PCCA: variants seen among roughly 807,000 people sequenced by gnomAD.
The protein encoded by PCCA is propionyl-CoA carboxylase alpha chain, mitochondrial.
In PCCA, 74 loss-of-function variants were observed where a neutral mutation model predicts 101.3. That is an observed-to-expected ratio of 0.73 (90% CI 0.61 to 0.89). The LOEUF (loss-of-function observed/expected upper bound fraction) is 0.89. Ranked by LOEUF, PCCA falls within the 40% of genes least tolerant of loss-of-function variation. PCCA has a pLI of 0.00. For synonymous variants in PCCA, 294 were observed against 313.6 expected (o/e 0.94, Z 0.66); for missense variants, 891 against 907.0 (o/e 0.98, Z 0.23).
chr13:100,273,754 G>C (rs999768231), intron 12 of PCCA, among the ~76,000 whole-genome samples: 10 of 152,136 alleles, frequency 6.6e-5, no homozygotes, highest in African/African-American at 2.4e-4. Flanking sequence ...TCCCACTGCT[G>C]TACCACTCAG....
chr13:100,110,240 C>T (rs1594132713), intron 2 of PCCA, among the ~76,000 whole-genome samples: 1 of 152,170 alleles, frequency 6.6e-6, no homozygotes, highest in East Asian at 1.9e-4. Context: ...CACTTTTTTT[C>T]TGTAGTTCCG....
intron 7 of PCCA, among the ~76,000 whole-genome samples, chr13:100,225,085 A>G (rs2060073711): frequency 6.6e-6 from 1 of 152,248 alleles, no homozygotes; most frequent in South Asian, 2.1e-4. Context: ...TGTGGAAAGT[A>G]AATTGGAGCA....
chr13:100,469,888 G>A (rs2082861812), intron 21 of PCCA, among the ~76,000 whole-genome samples: 1 of 152,180 alleles, frequency 6.6e-6, no homozygotes, highest in African/African-American at 2.4e-5. Flanking sequence ...TTTTAGTGGT[G>A]TCTTTGTAAA....
intron 20 of PCCA, among the ~76,000 whole-genome samples, chr13:100,430,205 G>A (rs995212569): frequency 6.6e-6 from 1 of 152,120 alleles, no homozygotes; most frequent in Non-Finnish European, 1.5e-5. Flanking sequence ...AACCCGGGTT[G>A]TGGTGAGCTG....
chr13:100,244,472 T>A (rs1012511133), intron 8 of PCCA, among the ~76,000 whole-genome samples: 4 of 152,250 alleles, frequency 2.6e-5, no homozygotes, highest in African/African-American at 9.6e-5. Flanking sequence ...TTTCTCTCAG[T>A]CCTTCATCTT....
chr13:100,529,960 TGGG>T, intron 23 of PCCA, 135 bp from the exon 24 acceptor site: 1 of 212,702 alleles, frequency 4.7e-6, no homozygotes, highest in East Asian at 5.5e-4. Flanking sequence ...TGGGCTCCGG[TGGG>T]GTGGGGTGGC....
intron 1 of PCCA, among the ~76,000 whole-genome samples, chr13:100,101,550 A>T (rs973080385): frequency 2.0e-5 from 3 of 152,050 alleles, no homozygotes; most frequent in African/African-American, 7.2e-5. Flanking sequence ...ATCTTTTTGT[A>T]TCTTTTACCT....
At position 100,394,570 on chromosome 13, in the gene PCCA, G is replaced by C. The variant is rs575703581; in HGVS notation, c.1746+25996G>C. ...AAGATAGAAACCAGTAACTGAATCTGGTAACAGGGTAGTTGTTTGTTTCAG... is the reference window on the plus strand; with the variant it reads ...AAGATAGAAACCAGTAACTGAATCTCGTAACAGGGTAGTTGTTTGTTTCAG... On this transcript the variant is annotated intron_variant, in intron 19 of 23. Transcript: ENST00000376285. This position sits in a 1 kb window ranked among gnomAD's most constrained non-coding sequence, Gnocchi z 4.3. 6.6e-6 allele frequency among the ~76,000 whole-genome samples: 1 copy of C among 152,016 alleles called. No individual in the cohort carries two copies. Among genetic ancestry groups the C allele is most frequent in the South Asian group, 2.1e-4 (1 of 4,768 alleles).
intron 22 of PCCA, among the ~76,000 whole-genome samples, chr13:100,517,392 T>C (rs767170955): frequency 9.2e-5 from 14 of 152,286 alleles, no homozygotes; most frequent in Middle Eastern, 3.4e-3. Flanking sequence ...TGGTTAATAA[T>C]TGAATGTAGA....
intron 4 of PCCA, chr13:100,154,595 T>C (rs1594410867): frequency 6.6e-6 from 2 of 304,166 alleles, no homozygotes; most frequent in Non-Finnish European, 1.3e-5. Flanking sequence ...GGGAGCTTGC[T>C]TAGAACTGGG....
chr13:100,149,957 A>G (rs1052503772), intron 4 of PCCA, among the ~76,000 whole-genome samples: 4 of 152,158 alleles, frequency 2.6e-5, no homozygotes, highest in East Asian at 1.9e-4. Context: ...GTCTTTTTCA[A>G]TGTATTTTAG....
chr13:100,244,006 A>C (rs539909163), intron 8 of PCCA, among the ~76,000 whole-genome samples: 9 of 152,274 alleles, frequency 5.9e-5, no homozygotes, highest in African/African-American at 2.2e-4. Flanking sequence ...AAAAATTTTC[A>C]CATGTTATAT....
chr13:100,143,031 C>T (rs1346148917), intron 4 of PCCA, among the ~76,000 whole-genome samples: 2 of 152,128 alleles, frequency 1.3e-5, no homozygotes, highest in East Asian at 3.9e-4. Flanking sequence ...GCTTCAATTC[C>T]AAGGAAGGTA....
chr13:100,162,791 A>G (rs1189958017), intron 6 of PCCA, among the ~76,000 whole-genome samples: 1 of 152,180 alleles, frequency 6.6e-6, no homozygotes, highest in Non-Finnish European at 1.5e-5. Context: ...TCTTAAGTGG[A>G]ACTAATAAAG....
intron 21 of PCCA, among the ~76,000 whole-genome samples, chr13:100,456,490 T>G (rs984412998): frequency 6.6e-6 from 1 of 152,068 alleles, no homozygotes; most frequent in African/African-American, 2.4e-5. Flanking sequence ...GGGGGACCAC[T>G]GCCATCAAGA....
chr13:100,154,517 A>C (rs2053674094), intron 4 of PCCA: 1 of 180,262 alleles, frequency 5.5e-6, no homozygotes, highest in South Asian at 1.2e-4. Flanking sequence ...CCTGGTGCTG[A>C]CCTGATGCTG....
intron 4 of PCCA, among the ~76,000 whole-genome samples, chr13:100,154,204 A>G (rs922758447): frequency 6.6e-5 from 10 of 152,214 alleles, no homozygotes; most frequent in African/African-American, 2.4e-4. Flanking sequence ...TAATCCTTTC[A>G]TCAGTTAAAA....
intron 1 of PCCA, among the ~76,000 whole-genome samples, chr13:100,098,140 A>G (rs1376403879): frequency 2.6e-5 from 4 of 152,056 alleles, no homozygotes; most frequent in African/African-American, 4.8e-5. Context: ...GCCATGGGCT[A>G]TAATTGTGCC....
At chr13:100,175,928 CTG>C (rs1226540766) in intron 6 of PCCA, among the ~76,000 whole-genome samples, 2 of 152,194 alleles carry the variant, frequency 1.3e-5, no homozygotes, top group Admixed American at 1.3e-4. Context: ...TGAAAATACT[CTG>C]TGTTAGACGT....
Sources: allele counts gnomAD v4.1 joint callset (sites outside exome capture counted in the v4.1 genomes callset), GRCh38; gene constraint gnomAD v4.1.1; non-coding constraint Gnocchi (gnomAD v3.1); transcripts MANE v1.5; gene names NCBI Gene and HGNC (gene_info 2026-07-23, HGNC 2026-07-21).